Variants in KATNIP observed in about 807,000 individuals in gnomAD.
KATNIP encodes the protein katanin interacting protein, also known as katanin-interacting protein.
A neutral mutation model predicts 174.0 loss-of-function variants in KATNIP; 126 were observed. That is an observed-to-expected ratio of 0.72 (90% CI 0.63 to 0.84). The LOEUF (loss-of-function observed/expected upper bound fraction) is 0.84, where lower values mean the gene tolerates loss of function less well. Among genes scored for constraint, KATNIP ranks in the 40% least tolerant of loss-of-function variants. The pLI is 0.00. For missense variants in KATNIP, 1,958 were observed against 2,109.7 expected, an observed-to-expected ratio of 0.93 and a Z score of 1.41; for synonymous variants, 810 against 835.7, an observed-to-expected ratio of 0.97 and a Z score of 0.53.
intron 1 of KATNIP, among the ~76,000 whole-genome samples, chr16:27,559,330 C>A (rs1362380669): frequency 2.0e-5 from 3 of 152,154 alleles, no homozygotes; most frequent in Non-Finnish European, 2.9e-5. Context: ...GCTCTCACAC[C>A]CAGAGGTTTT....
At chr16:27,635,297 G>A (rs1162557185) in intron 5 of KATNIP, among the ~76,000 whole-genome samples, 1 of 152,140 alleles carries the variant, frequency 6.6e-6, no homozygotes, top group African/African-American at 2.4e-5. Context: ...TGTTAACCCT[G>A]TGAGGACAGC....
intron 11 of KATNIP, among the ~76,000 whole-genome samples, chr16:27,702,706 C>A (rs1016069222): frequency 6.6e-6 from 1 of 152,196 alleles, no homozygotes; most frequent in African/African-American, 2.4e-5. Flanking sequence ...AAGCTGTGTG[C>A]CCTCCAGGTC....
At chr16:27,656,244 AGG>A (rs951250266) in intron 6 of KATNIP, among the ~76,000 whole-genome samples, 1 of 151,728 alleles carries the variant, frequency 6.6e-6, no homozygotes, top group African/African-American at 2.4e-5. Context: ...TGGGCAACAT[AGG>A]GAGACTCCAT....
chr16:27,603,737 C>CTT (rs35121026), intron 2 of KATNIP, among the ~76,000 whole-genome samples: 1 of 131,042 alleles, frequency 7.6e-6, no homozygotes, highest in Non-Finnish European at 1.6e-5. Flanking sequence ...TTCCCACTTC[C>CTT]TTTTTTTTTT....
chr16:27,708,609 G>T lies in KATNIP; in HGVS notation c.1390-96G>T. The T allele has an allele frequency of 6.8e-6, 6 of 879,482 alleles. No individual in the cohort carries two copies. In the South Asian group the frequency reaches 9.9e-5, roughly 14 times the overall value. The allele number at this position is 879,482 out of a possible 1,614,324, so 54.5% of individuals were successfully genotyped here. On this transcript the variant is annotated intron_variant, in intron 12 of 27. Transcript: ENST00000261588. ...AGATGGAGAGACTGAGACCCTGAAG[G>T]TTAACTAACTTTTTGAAGGCAGTGG...
At chr16:27,638,783 C>A (rs2076710232) in intron 5 of KATNIP, among the ~76,000 whole-genome samples, 1 of 152,018 alleles carries the variant, frequency 6.6e-6, no homozygotes, top group Non-Finnish European at 1.5e-5. Flanking sequence ...TCCACACAGC[C>A]CCCTTGCCTC....
intron 2 of KATNIP, among the ~76,000 whole-genome samples, chr16:27,613,735 T>A (rs1436495291): frequency 6.6e-6 from 1 of 152,136 alleles, no homozygotes; most frequent in Non-Finnish European, 1.5e-5. Flanking sequence ...GTGTTATTAT[T>A]CTGGAAGAAG....
chr16:27,624,201 C>T (rs1461866976), intron 3 of KATNIP, among the ~76,000 whole-genome samples: 1 of 151,990 alleles, frequency 6.6e-6, no homozygotes, highest in Non-Finnish European at 1.5e-5. Context: ...CCCTTTGAAA[C>T]TTTGTGTTCA....
intron 5 of KATNIP, among the ~76,000 whole-genome samples, chr16:27,636,442 C>G (rs2142213957): frequency 6.6e-6 from 1 of 152,304 alleles, no homozygotes; most frequent in Admixed American, 6.5e-5. Context: ...ATTTGTAGCC[C>G]CTGGAGAGTG....
At chr16:27,611,836 C>T (rs1158033189) in intron 2 of KATNIP, among the ~76,000 whole-genome samples, 2 of 152,148 alleles carry the variant, frequency 1.3e-5, no homozygotes, top group Non-Finnish European at 2.9e-5. Flanking sequence ...GCTAACAACT[C>T]AGCACTTAAT....
chr16:27,757,672 C>G (rs1266934599), intron 18 of KATNIP: 1 of 231,146 alleles, frequency 4.3e-6, no homozygotes, highest in African/African-American at 2.3e-5. Context: ...AACCAAGCAC[C>G]CTCTGCGTCT....
chr16:27,597,968 C>T (rs1016950144), intron 2 of KATNIP, among the ~76,000 whole-genome samples: 21 of 152,228 alleles, frequency 1.4e-4, no homozygotes, highest in Admixed American at 1.2e-3. Context: ...TGGCTCAGGC[C>T]CATAATCCCA....
At chr16:27,605,907 A>T (rs1018750063) in intron 2 of KATNIP, among the ~76,000 whole-genome samples, 1 of 152,296 alleles carries the variant, frequency 6.6e-6, no homozygotes, top group Non-Finnish European at 1.5e-5. Context: ...AGGAGGGTGG[A>T]TCACTTGAGT....
chr16:27,605,443 T>C (rs1016582605), intron 2 of KATNIP, among the ~76,000 whole-genome samples: 1 of 152,262 alleles, frequency 6.6e-6, no homozygotes, highest in African/African-American at 2.4e-5. Flanking sequence ...TCCTAGATTC[T>C]GGATCTGCCT....
chr16:27,715,864 C>T (rs544811987), intron 13 of KATNIP, among the ~76,000 whole-genome samples: 1 of 152,050 alleles, frequency 6.6e-6, no homozygotes, highest in African/African-American at 2.4e-5. Flanking sequence ...TGGTGCAGCC[C>T]CTGTGGAAAA....
intron 12 of KATNIP, chr16:27,708,344 A>G (rs975125785): frequency 6.6e-5 from 14 of 211,344 alleles, no homozygotes; most frequent in Non-Finnish European, 8.6e-5. Flanking sequence ...CACCTACTCA[A>G]TTCAGCAGAT....
chr16:27,698,431 G>T lies in KATNIP; in HGVS notation c.1044G>T (p.Gln348His). 4.3e-6 allele frequency: 7 copies of T among 1,613,632 alleles called. 1 individual carries two copies. In the South Asian group the frequency reaches 6.6e-5, roughly 15 times the overall value. Residue 348 changes from glutamine (Q) to histidine (H), a missense_variant, in exon 9 of 28, where the codon CAG becomes CAT. Around this residue, in one of 3 missense-constraint regions of KATNIP, gnomAD observed 1,557 missense variants for 1,617.8 expected, o/e 0.96. Transcript: ENST00000261588. ...CCTCTGCTGTGCTCCAAGCCATCCA[G>T]GTGGAGAACGCAGCCCTGCAGAGGG... ...EDASAVLQAI[Q>H]VENAALQRAL...
chr16:27,772,575 G>A (rs774869935), intron 22 of KATNIP, among the ~76,000 whole-genome samples: 53 of 152,168 alleles, frequency 3.5e-4, no homozygotes, highest in Non-Finnish European at 6.3e-4. Flanking sequence ...TCCTTGCCCC[G>A]GCCCATGGCC....
At chr16:27,671,884 C>T (rs1395148370) in intron 6 of KATNIP, among the ~76,000 whole-genome samples, 3 of 152,004 alleles carry the variant, frequency 2.0e-5, no homozygotes, top group Admixed American at 6.6e-5. Context: ...GGTAAAACCC[C>T]GTCTCTACTA....
Sources: allele counts gnomAD v4.1 joint callset (sites outside exome capture counted in the v4.1 genomes callset), GRCh38; gene constraint gnomAD v4.1.1; regional missense constraint gnomAD v4.1.1; transcripts MANE v1.5; gene names NCBI Gene and HGNC (gene_info 2026-07-23, HGNC 2026-07-21).